The following EEIG1 variants were observed in gnomAD, a reference collection of about 807,000 sequenced individuals.
The protein encoded by EEIG1 is estrogen-induced osteoclastogenesis regulator 1.
chr9:127,953,467 G>T, the EEIG1 span: 4 of 916,244 alleles, frequency 4.4e-6, no homozygotes, highest in South Asian at 2.9e-5. Flanking sequence ...CTCAGGTAGG[G>T]CTGAGTGCCT....
the EEIG1 span, among the ~76,000 whole-genome samples, chr9:127,952,717 T>TA: frequency 2.0e-5 from 3 of 152,142 alleles, no homozygotes. Context: ...TCTGTTTATT[T>TA]ATTTATTTAT....
chr9:127,966,101 A>G, the EEIG1 span, among the ~76,000 whole-genome samples: 15 of 152,352 alleles, frequency 9.8e-5, no homozygotes, highest in East Asian at 2.9e-3. Flanking sequence ...TAAGTGACCC[A>G]AAGAAGCACA....
At chr9:127,948,165 C>G in the EEIG1 span, 2 of 1,614,094 alleles carry the variant, frequency 1.2e-6, no homozygotes, top group Non-Finnish European at 1.7e-6. Context: ...CACCCTTACA[C>G]GTCAGCTGCA....
the EEIG1 span, among the ~76,000 whole-genome samples, chr9:127,962,974 T>G: frequency 1.3e-5 from 2 of 152,158 alleles, no homozygotes; most frequent in Non-Finnish European, 1.5e-5. Context: ...TTTAAAATGA[T>G]AGAAGCAAGG....
the EEIG1 span, among the ~76,000 whole-genome samples, chr9:127,952,139 C>A: frequency 6.6e-6 from 1 of 152,244 alleles, no homozygotes; most frequent in Non-Finnish European, 1.5e-5. Flanking sequence ...CTGTCCTCAC[C>A]CGTGTGAATC....
the EEIG1 span, among the ~76,000 whole-genome samples, chr9:127,957,197 C>G: frequency 6.6e-6 from 1 of 151,260 alleles, no homozygotes; most frequent in Non-Finnish European, 1.5e-5. Context: ...CCACTGTACT[C>G]CAGCCTGGGC....
At chr9:127,955,941 G>A in the EEIG1 span, among the ~76,000 whole-genome samples, 2 of 152,236 alleles carry the variant, frequency 1.3e-5, no homozygotes, top group African/African-American at 4.8e-5. Context: ...AGCACTGAGT[G>A]AAATGAATCC....
chr9:127,955,299 C>T, the EEIG1 span, among the ~76,000 whole-genome samples: 2 of 152,184 alleles, frequency 1.3e-5, no homozygotes, highest in South Asian at 4.1e-4. Flanking sequence ...TATGCCACCC[C>T]TTCTACTGCT....
chr9:127,970,269 A>G, the EEIG1 span, among the ~76,000 whole-genome samples: 2 of 152,148 alleles, frequency 1.3e-5, no homozygotes, highest in African/African-American at 4.8e-5. Flanking sequence ...GGCATGCGCC[A>G]CCATGCCCGG....
At chr9:127,948,845 G>A in the EEIG1 span, among the ~76,000 whole-genome samples, 4 of 152,238 alleles carry the variant, frequency 2.6e-5, no homozygotes, top group African/African-American at 9.6e-5. Flanking sequence ...GTGGTGGGCA[G>A]GGTTTGGTGA....
the EEIG1 span, among the ~76,000 whole-genome samples, chr9:127,962,723 A>C: frequency 6.6e-6 from 1 of 152,164 alleles, no homozygotes; most frequent in Non-Finnish European, 1.5e-5. Context: ...AAAAATTATA[A>C]ATAAGATGTT....
the EEIG1 span, among the ~76,000 whole-genome samples, chr9:127,960,025 C>T: frequency 6.6e-6 from 1 of 152,134 alleles, no homozygotes; most frequent in Non-Finnish European, 1.5e-5. Flanking sequence ...TGAATTATAT[C>T]TCAATAAAGC....
chr9:127,953,286 T>TGG, the EEIG1 span: 3 of 486,854 alleles, frequency 6.2e-6, no homozygotes, highest in African/African-American at 5.8e-5. Context: ...GGAAAGGTCT[T>TGG]AATCTATCCA....
chr9:127,950,792 G>A, the EEIG1 span: 28 of 1,009,924 alleles, frequency 2.8e-5, no homozygotes, highest in East Asian at 4.6e-4. Flanking sequence ...ACGTCCCGGC[G>A]TGCACCGGGG....
the EEIG1 span, among the ~76,000 whole-genome samples, chr9:127,960,831 C>A: frequency 3.9e-5 from 6 of 152,146 alleles, no homozygotes; most frequent in Non-Finnish European, 1.5e-5. Context: ...GCACATTCCC[C>A]CCTCCACAGG....
chr9:127,947,263 CA>C, the EEIG1 span, among the ~76,000 whole-genome samples: 76,600 of 94,686 alleles, frequency 0.81, 30,824 homozygotes, highest in Non-Finnish European at 0.89. Flanking sequence ...ACTAAAAATA[CA>C]AAAAAAAAAA....
At chr9:127,971,926 GA>G in the EEIG1 span, among the ~76,000 whole-genome samples, 1 of 152,188 alleles carries the variant, frequency 6.6e-6, no homozygotes, top group African/African-American at 2.4e-5. Flanking sequence ...ACAGAAACCA[GA>G]AGGGCGAGGA....
At chr9:127,947,160 C>G in the EEIG1 span, among the ~76,000 whole-genome samples, 1 of 151,124 alleles carries the variant, frequency 6.6e-6, no homozygotes, top group African/African-American at 2.4e-5. Flanking sequence ...GTAATCCCAG[C>G]ACTTTGGGAA....
chr9:127,968,229 G>A, the EEIG1 span, among the ~76,000 whole-genome samples: 1 of 152,048 alleles, frequency 6.6e-6, no homozygotes, highest in Non-Finnish European at 1.5e-5. Context: ...TTCACCCAAG[G>A]AGGAAGGGGA....
Sources: gnomAD v4.1 joint callset for allele counts (sites outside exome capture counted in the v4.1 genomes callset) on GRCh38, gnomAD v4.1.1 for gene constraint, MANE v1.5 for transcripts, NCBI Gene and HGNC (gene_info 2026-07-23, HGNC 2026-07-21) for gene names.